CSMD3: variants seen among roughly 807,000 people sequenced by gnomAD.
CSMD3 encodes CUB and sushi domain-containing protein 3.
Under a neutral mutation model 435.2 loss-of-function variants are expected in CSMD3, and 177 were observed. That is an observed-to-expected ratio of 0.41 (90% CI 0.36 to 0.46). CSMD3 has a LOEUF of 0.46. CSMD3 is among the 20% of genes least tolerant of loss of function. CSMD3 has a pLI of 0.34. For missense variants in CSMD3, 4,265 were observed against 4,504.6 expected (o/e 0.95, Z 1.52); for synonymous variants, 1,656 against 1,520.5 (o/e 1.09, Z -2.07).
intron 3 of CSMD3, among the ~76,000 whole-genome samples, chr8:113,271,753 C>G (rs1476422374): frequency 5.3e-5 from 8 of 152,092 alleles, no homozygotes. Flanking sequence ...AGAAGAGGGC[C>G]ACCATCATCC....
chr8:112,496,240 AATATAGGC>A (rs1420625619), intron 30 of CSMD3, among the ~76,000 whole-genome samples: 1 of 152,144 alleles, frequency 6.6e-6, no homozygotes, highest in Non-Finnish European at 1.5e-5. Flanking sequence ...AAGTGCTGGA[AATATAGGC>A]GTGAGCTACC....
intron 4 of CSMD3, 143 bp from the exon 5 acceptor site, chr8:113,099,106 A>C: frequency 4.6e-6 from 3 of 653,188 alleles, no homozygotes; most frequent in Non-Finnish European, 8.3e-6. Context: ...ATAGAGATTA[A>C]ATAAAATGAG....
chr8:113,162,902 G>A (rs960337428), intron 4 of CSMD3, among the ~76,000 whole-genome samples: 2 of 151,984 alleles, frequency 1.3e-5, no homozygotes, highest in Non-Finnish European at 2.9e-5. Context: ...TTCACACCAC[G>A]TTAAAATTTT....
intron 8 of CSMD3, among the ~76,000 whole-genome samples, chr8:112,948,550 A>G (rs971870089): frequency 1.3e-5 from 2 of 152,168 alleles, no homozygotes; most frequent in African/African-American, 4.8e-5. Flanking sequence ...TAATTTTTTC[A>G]GTGAATGTGA....
chr8:113,195,264 G>A (rs2092638020), intron 3 of CSMD3, among the ~76,000 whole-genome samples: 1 of 142,378 alleles, frequency 7.0e-6, no homozygotes, highest in Non-Finnish European at 1.5e-5. Flanking sequence ...GCTTGTTAAC[G>A]ACCTTTGTAT....
At chr8:113,020,214 T>C (rs1173844532) in intron 5 of CSMD3, among the ~76,000 whole-genome samples, 1 of 150,676 alleles carries the variant, frequency 6.6e-6, no homozygotes, top group East Asian at 1.9e-4. Flanking sequence ...CTATAATGTA[T>C]TAGAGGCCTG....
chr8:113,250,475 T>C (rs2093324569), intron 3 of CSMD3, among the ~76,000 whole-genome samples: 1 of 152,152 alleles, frequency 6.6e-6, no homozygotes, highest in South Asian at 2.1e-4. Flanking sequence ...ACATTTTTTG[T>C]TTTATTCGTG....
intron 45 of CSMD3, among the ~76,000 whole-genome samples, chr8:112,326,950 A>G (rs1823572363): frequency 6.6e-6 from 1 of 152,164 alleles, no homozygotes; most frequent in South Asian, 2.1e-4. Context: ...TGAACTCAGG[A>G]GACAGAGGTT....
At chr8:113,293,631 C>A (rs2093700593) in intron 2 of CSMD3, among the ~76,000 whole-genome samples, 1 of 152,074 alleles carries the variant, frequency 6.6e-6, no homozygotes, top group African/African-American at 2.4e-5. Context: ...CACTCTCTAG[C>A]CATATTTTCT....
At chr8:113,428,181 T>G (rs2094647289) in intron 1 of CSMD3, among the ~76,000 whole-genome samples, 1 of 151,350 alleles carries the variant, frequency 6.6e-6, no homozygotes, top group Non-Finnish European at 1.5e-5. Context: ...ACCAATTAAG[T>G]TATGTGTTAC....
chr8:112,892,987 T>C (rs1274159372), intron 10 of CSMD3, among the ~76,000 whole-genome samples: 1 of 151,384 alleles, frequency 6.6e-6, no homozygotes, highest in Non-Finnish European at 1.5e-5. Flanking sequence ...ATAAATTAAG[T>C]CAATATATAG....
rs374250301 is a variant in CSMD3, at chr8:113,376,752, C to T, written c.178+59925G>A. ...AGGATATCTACCTGAGGCTGTCTGT[C>T]GGTCAAGCTGTACAGGTTTCCAGCA... On this transcript the variant is annotated intron_variant, in intron 1 of 70. Coordinates refer to ENST00000297405, the MANE Select transcript of CSMD3 (RefSeq NM_198123.2). 29 of 1,613,940 alleles carry T rather than the reference C, an allele frequency of 1.8e-5. No individual in the cohort carries two copies. The African/African-American group carries it at 3.2e-4, about 18-fold the overall frequency.
At chr8:113,190,849 A>G (rs1217578075) in intron 3 of CSMD3, among the ~76,000 whole-genome samples, 1 of 151,764 alleles carries the variant, frequency 6.6e-6, no homozygotes, top group Non-Finnish European at 1.5e-5. Context: ...GTTTTCCATG[A>G]CATTAACAAT....
At chr8:112,785,329 A>T (rs576977308) in intron 13 of CSMD3, among the ~76,000 whole-genome samples, 1 of 152,070 alleles carries the variant, frequency 6.6e-6, no homozygotes, top group South Asian at 2.1e-4. Flanking sequence ...AAATGAAAGC[A>T]TTTCTTCTAA....
At chr8:112,511,130 G>A (rs1397226361) in intron 28 of CSMD3, among the ~76,000 whole-genome samples, 4 of 152,022 alleles carry the variant, frequency 2.6e-5, no homozygotes, top group Non-Finnish European at 5.9e-5. Context: ...AACCTTTTTG[G>A]TTTCCAAGTC....
At chr8:112,916,686 G>C (rs1002459781) in intron 10 of CSMD3, among the ~76,000 whole-genome samples, 1 of 151,878 alleles carries the variant, frequency 6.6e-6, no homozygotes, top group East Asian at 1.9e-4. Flanking sequence ...GTTCTGATAT[G>C]TTCTTGGGCA....
At chr8:112,992,246 C>T (rs1380995495) in intron 6 of CSMD3, among the ~76,000 whole-genome samples, 1 of 151,124 alleles carries the variant, frequency 6.6e-6, no homozygotes. Context: ...CTCCTTCGTC[C>T]CTCCCTCTAT....
At chr8:112,499,038 C>T (rs866843276) in intron 30 of CSMD3, among the ~76,000 whole-genome samples, 29 of 152,004 alleles carry the variant, frequency 1.9e-4, no homozygotes, top group African/African-American at 6.3e-4. Flanking sequence ...TCTTAAGAAA[C>T]TTGTATTTTA....
intron 13 of CSMD3, among the ~76,000 whole-genome samples, chr8:112,772,387 A>G (rs950879041): frequency 3.9e-5 from 6 of 152,106 alleles, no homozygotes; most frequent in African/African-American, 1.4e-4. Context: ...GTGCTTTGTT[A>G]AACAAATGCT....
Sources: allele counts gnomAD v4.1 joint callset (sites outside exome capture counted in the v4.1 genomes callset), GRCh38; gene constraint gnomAD v4.1.1; transcripts MANE v1.5; gene names NCBI Gene and HGNC (gene_info 2026-07-23, HGNC 2026-07-21).